KCNT1: variants seen among roughly 807,000 people sequenced by gnomAD.
KCNT1 encodes the protein potassium sodium-activated channel subfamily T member 1, also known as potassium channel subfamily T member 1.
KCNT1 carries 78 observed loss-of-function variants against 147.8 expected under a neutral mutation model. The observed-to-expected ratio is 0.53, with a 90% CI of 0.44 to 0.64. The LOEUF (loss-of-function observed/expected upper bound fraction) is 0.64, where lower values mean the gene tolerates loss of function less well. Ranked by LOEUF, KCNT1 falls within the 30% of genes least tolerant of loss-of-function variation. The pLI is 0.00. For synonymous variants in KCNT1, 867 were observed against 748.8 expected, an observed-to-expected ratio of 1.16 and a Z score of -2.58; for missense variants, 1,419 against 1,750.3, an observed-to-expected ratio of 0.81 and a Z score of 3.38.
At chr9:135,773,419 A>T (rs1832897933) in intron 19 of KCNT1, among the ~76,000 whole-genome samples, 2 of 152,164 alleles carry the variant, frequency 1.3e-5, no homozygotes, top group South Asian at 4.1e-4. Context: ...AGCACTACAG[A>T]GCACAGAGGG....
chr9:135,757,269 GC>G, intron 8 of KCNT1, 28 bp from the exon 9 acceptor site: 2 of 1,612,706 alleles, frequency 1.2e-6, no homozygotes, highest in Non-Finnish European at 1.7e-6. Context: ...GGGCCCTGGA[GC>G]CCCAGCCCTG....
rs189533364 is a variant in KCNT1 at position 135,768,455 on chromosome 9, T to C, written c.1338-155T>C. 841 of 546,580 alleles carry C rather than the reference T, an allele frequency of 1.5e-3. 5 individuals are homozygous for C. In the African/African-American group the frequency reaches 0.018, roughly 11 times the overall value. The allele number at this position is 546,580 out of a possible 1,614,324, so 33.9% of individuals were successfully genotyped here. On this transcript the variant is annotated intron_variant, in intron 13 of 30. Transcript: ENST00000371757. ...TCCATCCTCCCCGCCTTCCATCCTC[T>C]CCGCCTTCCATCCAGCCGTCCTCTC...
intron 2 of KCNT1, among the ~76,000 whole-genome samples, chr9:135,720,305 G>C (rs2131339846): frequency 6.6e-6 from 1 of 152,132 alleles, no homozygotes; most frequent in Middle Eastern, 3.4e-3. Flanking sequence ...AGCAGAAGGG[G>C]TTGCGGTGGG....
At chr9:135,745,689 G>A (rs895854064) in intron 2 of KCNT1, among the ~76,000 whole-genome samples, 3 of 152,236 alleles carry the variant, frequency 2.0e-5, no homozygotes, top group Non-Finnish European at 2.9e-5. Flanking sequence ...GGGACACGCC[G>A]GGAGTTGGTC....
rs1238908622 is a variant in KCNT1 at position 135,714,584 on chromosome 9, TGC to T, written c.122_123del (p.Ala41GlyfsTer97). The T allele has an allele frequency of 7.3e-7, 1 of 1,363,212 alleles. No homozygotes were observed. Among genetic ancestry groups the T allele is most frequent in the Non-Finnish European group, 9.6e-7 (1 of 1,041,728 alleles). The allele number at this position is 1,363,212 out of a possible 1,614,324, so 84.4% of individuals were successfully genotyped here. A position where few individuals can be genotyped will look rare whatever the true frequency, so the allele number is the denominator to read the frequency against. ...GCTGGCGTGTGCCCGCAGGCGGCCC[TGC>T]GCGGGGGACGGCGCGCTCCTGGACA... ...DDGQCAPRRPCAGDGALLDTA... is the reference protein window; with the variant it reads ...DDGQCAPRRPXAGDGALLDTA... On this transcript the variant is annotated frameshift_variant, in exon 2 of 31. Coordinates refer to ENST00000371757, the MANE Select transcript of KCNT1 (RefSeq NM_020822.3). LOFTEE classifies it high-confidence loss of function. This position sits in a 1 kb window ranked among gnomAD's most constrained non-coding sequence, Gnocchi z 6.2.
chr9:135,722,381 C>A (rs1255521928), intron 2 of KCNT1, among the ~76,000 whole-genome samples: 1 of 152,206 alleles, frequency 6.6e-6, no homozygotes, highest in African/African-American at 2.4e-5. Flanking sequence ...AAATTCCTCC[C>A]GCATTAGTGT....
At chr9:135,775,229 TC>T in intron 19 of KCNT1, 80 bp from the exon 20 acceptor site, 1 of 1,008,696 alleles carries the variant, frequency 9.9e-7, no homozygotes, top group Non-Finnish European at 1.5e-6. Context: ...TGCCCTCGAG[TC>T]CCCCAGCCCG....
rs768799306 is a variant in KCNT1 at position 135,792,594 on chromosome 9, G to A, written c.*433G>A. 2.1e-4 allele frequency: 34 copies of A among 161,594 alleles called. No homozygotes were observed. Among genetic ancestry groups the A allele is most frequent in the African/African-American group, 3.8e-4 (16 of 41,676 alleles). The allele number at this position is 161,594 out of a possible 1,614,324, so 10.0% of individuals were successfully genotyped here. A position where few individuals can be genotyped will look rare whatever the true frequency, so the allele number is the denominator to read the frequency against. On this transcript the variant is annotated 3_prime_UTR_variant, in exon 31 of 31. Transcript: ENST00000371757. ...CACCCAACTCAGAGCCGGCCTGAGC[G>A]TTCACGGCCAGGCAGCCTCGCTTCC...
At position 135,770,881 on chromosome 9, in the gene KCNT1, G is replaced by A; in HGVS notation, c.1794G>A (p.Leu598=). The A allele has an allele frequency of 6.3e-7, 1 of 1,586,366 alleles. No individual in the cohort carries two copies. Among genetic ancestry groups the A allele is most frequent in the Non-Finnish European group, 8.6e-7 (1 of 1,165,434 alleles). Reference sequence around the variant, plus strand: ...GGTATGGCGTGTGCCTCATCGGGCTGAAGCGGGAGGACAACAAGAGCATCC... The same window carrying A: ...GGTATGGCGTGTGCCTCATCGGGCTAAAGCGGGAGGACAACAAGAGCATCC... The part of the protein sequence containing the change: ...HKKYGVCLIG[L]KREDNKSILL... The change falls in exon 18 of 31, where the codon CTG becomes CTA. Residue 598 remains leucine (L), a synonymous_variant. Coordinates refer to ENST00000371757, the MANE Select transcript of KCNT1 (RefSeq NM_020822.3).
intron 2 of KCNT1, among the ~76,000 whole-genome samples, chr9:135,746,807 C>A (rs1225115962): frequency 2.6e-5 from 4 of 151,770 alleles, no homozygotes; most frequent in African/African-American, 9.7e-5. Flanking sequence ...GGCACCCCCG[C>A]CTAGGAGGAG....
chr9:135,759,588 G>A, intron 10 of KCNT1, 91 bp from the exon 11 acceptor site: 2 of 1,404,512 alleles, frequency 1.4e-6, no homozygotes, highest in Non-Finnish European at 1.9e-6. Context: ...CTCCTGGGCA[G>A]TGAGGGTCCC....
chr9:135,750,077 T>A (rs202149775), intron 2 of KCNT1, 21 bp from the exon 3 acceptor site: 30 of 1,607,814 alleles, frequency 1.9e-5, no homozygotes, highest in Admixed American at 3.3e-5. Context: ...TGAGCCTCCA[T>A]GCCCCTCTCT....
At chr9:135,706,815 T>C (rs965326178) in intron 1 of KCNT1, among the ~76,000 whole-genome samples, 6 of 152,092 alleles carry the variant, frequency 3.9e-5, no homozygotes, top group African/African-American at 1.4e-4. Flanking sequence ...GGGAGGGGGC[T>C]GGGGCAGGTA....
In KCNT1 at chr9:135,714,977, C is replaced by T. The variant is rs891993837; in HGVS notation, c.254+257C>T. Among the ~76,000 whole-genome samples, 2 of 152,224 alleles carry T rather than the reference C, an allele frequency of 1.3e-5. No individual in the cohort carries two copies. The highest frequency in any genetic ancestry group is 2.9e-5 in the Non-Finnish European group (2 of 68,036). On this transcript the variant is annotated intron_variant, in intron 2 of 30. Transcript: ENST00000371757. The surrounding 1 kb of genome is among the most constrained non-coding windows in gnomAD (Gnocchi z 6.2). ...GTCTTCCAGAGCCCGACTTGGGGCG[C>T]GGAGGCGGAGGGCGGCCTGGCCTTC...
intron 11 of KCNT1, among the ~76,000 whole-genome samples, chr9:135,764,711 G>A (rs1055029717): frequency 1.3e-5 from 2 of 152,112 alleles, no homozygotes; most frequent in Admixed American, 6.5e-5. Flanking sequence ...ATTTGGCCAC[G>A]CTTACCATCA....
At chr9:135,742,019 C>T (rs1830592006) in intron 2 of KCNT1, among the ~76,000 whole-genome samples, 2 of 152,206 alleles carry the variant, frequency 1.3e-5, no homozygotes, top group Non-Finnish European at 2.9e-5. Context: ...GTTGCAACCA[C>T]CTTGGTGTCA....
intron 2 of KCNT1, among the ~76,000 whole-genome samples, chr9:135,733,655 C>T (rs554865319): frequency 1.2e-4 from 17 of 141,692 alleles, no homozygotes; most frequent in Admixed American, 1.1e-3. Context: ...GCCCTGCACT[C>T]CTCTCCCACT....
intron 23 of KCNT1, among the ~76,000 whole-genome samples, 172 bp from the exon 24 acceptor site, chr9:135,779,187 T>C (rs1298296143): frequency 8.4e-6 from 1 of 118,420 alleles, no homozygotes; most frequent in Non-Finnish European, 1.7e-5. Flanking sequence ...CCCACAGCCG[T>C]GGGACCCTGC....
At chr9:135,746,558 G>A (rs879455361) in intron 2 of KCNT1, among the ~76,000 whole-genome samples, 12 of 152,234 alleles carry the variant, frequency 7.9e-5, no homozygotes, top group Non-Finnish European at 1.5e-4. Flanking sequence ...TGGCTGTGGA[G>A]GCCAAGGGGA....
Sources: allele counts gnomAD v4.1 joint callset (sites outside exome capture counted in the v4.1 genomes callset), GRCh38; gene constraint gnomAD v4.1.1; non-coding constraint Gnocchi (gnomAD v3.1); transcripts MANE v1.5; gene names NCBI Gene and HGNC (gene_info 2026-07-23, HGNC 2026-07-21).